Variants in NEK7 observed in about 807,000 individuals in gnomAD.
The protein encoded by NEK7 is NIMA related kinase 7, also known as serine/threonine-protein kinase Nek7.
Under a neutral mutation model 44.6 loss-of-function variants are expected in NEK7, and 18 were observed. That is an observed-to-expected ratio of 0.40 (90% CI 0.28 to 0.60). The LOEUF is 0.60. Ranked by LOEUF, NEK7 falls within the 20% of genes least tolerant of loss-of-function variation. The probability of loss-of-function intolerance (pLI) is 0.38; values close to 1 mark genes in which losing one functional copy is unlikely to be tolerated. For synonymous variants in NEK7, 130 were observed against 121.1 expected (o/e 1.07, Z -0.48); for missense variants, 256 against 366.5 (o/e 0.70, Z 2.46).
chr1:198,192,703 C>G (rs1665115024), intron 1 of NEK7, among the ~76,000 whole-genome samples: 1 of 152,116 alleles, frequency 6.6e-6, no homozygotes, highest in Non-Finnish European at 1.5e-5. Context: ...CAGCCTGCTC[C>G]TGAATGACTC....
At chr1:198,234,090 A>G (rs1666480368) in intron 2 of NEK7, among the ~76,000 whole-genome samples, 1 of 152,012 alleles carries the variant, frequency 6.6e-6, no homozygotes, top group Non-Finnish European at 1.5e-5. Flanking sequence ...ACTGTGTCTT[A>G]TTTACCTTGG....
chr1:198,293,936 A>G (rs1355885827), intron 8 of NEK7, among the ~76,000 whole-genome samples: 1 of 151,938 alleles, frequency 6.6e-6, no homozygotes, highest in Admixed American at 6.6e-5. Context: ...TGCATTTCCT[A>G]CTATATATAT....
At chr1:198,269,720 C>T (rs1653777335) in intron 5 of NEK7, among the ~76,000 whole-genome samples, 1 of 151,952 alleles carries the variant, frequency 6.6e-6, no homozygotes, top group Admixed American at 6.6e-5. Context: ...AAGATTTTTA[C>T]AAGTAAATAA....
intron 7 of NEK7, among the ~76,000 whole-genome samples, chr1:198,282,815 G>T (rs1470166599): frequency 1.3e-5 from 2 of 152,100 alleles, no homozygotes; most frequent in African/African-American, 4.8e-5. Flanking sequence ...CCTGTTATAT[G>T]CAGGTGCTAT....
chr1:198,247,094 C>T (rs1666854350), intron 2 of NEK7, among the ~76,000 whole-genome samples: 1 of 152,126 alleles, frequency 6.6e-6, no homozygotes, highest in African/African-American at 2.4e-5. Context: ...ATCATTTTGT[C>T]ACATTGACAC....
rs1012089288 is a variant in NEK7, at chr1:198,319,790, T to G, written c.*268T>G. On this transcript the variant is annotated 3_prime_UTR_variant, in exon 10 of 10. Transcript: ENST00000367385. ...AATGGCTAAAGGTTTATAGAATTTC[T>G]TACAGTTTTCTGCTGATAAATTGTG... is the stretch of plus-strand genomic sequence containing the variant. The G allele has an allele frequency of 1.1e-5, 3 of 282,342 alleles. No homozygotes were observed. The highest frequency in any genetic ancestry group is 2.0e-5 in the Non-Finnish European group (3 of 150,546). The allele number at this position is 282,342 out of a possible 1,614,324, so 17.5% of individuals were successfully genotyped here.
At chr1:198,180,876 A>G (rs1327852896) in intron 1 of NEK7, among the ~76,000 whole-genome samples, 1 of 152,140 alleles carries the variant, frequency 6.6e-6, no homozygotes, top group Non-Finnish European at 1.5e-5. Flanking sequence ...GATTTCTAAT[A>G]GGAAAAACTG....
intron 1 of NEK7, among the ~76,000 whole-genome samples, chr1:198,227,031 A>G (rs1666248368): frequency 6.6e-6 from 1 of 151,314 alleles, no homozygotes; most frequent in African/African-American, 2.4e-5. Flanking sequence ...CCCCCACCCC[A>G]CAACAGGCCC....
At chr1:198,259,937 A>G (rs747270455) in intron 3 of NEK7, among the ~76,000 whole-genome samples, 9 of 152,166 alleles carry the variant, frequency 5.9e-5, no homozygotes, top group Non-Finnish European at 8.8e-5. Flanking sequence ...ATCACTTTGA[A>G]CAAGTAGCAC....
intron 1 of NEK7, among the ~76,000 whole-genome samples, chr1:198,209,334 AT>A (rs1665699303): frequency 6.6e-6 from 1 of 151,972 alleles, no homozygotes; most frequent in Non-Finnish European, 1.5e-5. Context: ...GATGTTTTTT[AT>A]TTAGTAGATT....
intron 7 of NEK7, among the ~76,000 whole-genome samples, chr1:198,284,845 A>G (rs1271454536): frequency 6.6e-6 from 1 of 152,140 alleles, no homozygotes; most frequent in Non-Finnish European, 1.5e-5. Flanking sequence ...TATAATAGTG[A>G]CCCAGGAGAA....
chr1:198,221,413 T>C (rs1340647690), intron 1 of NEK7, among the ~76,000 whole-genome samples: 5 of 151,828 alleles, frequency 3.3e-5, no homozygotes, highest in Non-Finnish European at 7.4e-5. Context: ...TGGTTTAACA[T>C]TCTTTAATAT....
chr1:198,237,855 C>T (rs1440958518), intron 2 of NEK7, among the ~76,000 whole-genome samples: 3 of 152,184 alleles, frequency 2.0e-5, no homozygotes, highest in Admixed American at 6.6e-5. Flanking sequence ...TCTTCCCACT[C>T]ACACAGTATG....
chr1:198,316,981 A>G (rs534364698), intron 9 of NEK7, among the ~76,000 whole-genome samples: 2 of 152,342 alleles, frequency 1.3e-5, no homozygotes, highest in South Asian at 4.1e-4. Flanking sequence ...TCATCTAGAA[A>G]TGTTGCTGGA....
chr1:198,191,355 G>C (rs1665066417), intron 1 of NEK7, among the ~76,000 whole-genome samples: 1 of 151,946 alleles, frequency 6.6e-6, no homozygotes, highest in Admixed American at 6.6e-5. Flanking sequence ...TAGCCCATCT[G>C]ATAAGTATGA....
intron 8 of NEK7, among the ~76,000 whole-genome samples, chr1:198,295,806 C>CTAT (rs35583566): frequency 0.081 from 11,874 of 146,326 alleles, 554 homozygotes; most frequent in Non-Finnish European, 0.1. Flanking sequence ...ACAAAAACCA[C>CTAT]TATTATTATT....
Position 198,282,350 on chromosome 1 carries a change from CA to C in NEK7, c.589+3290del, listed in dbSNP as rs538497946. Among the ~76,000 whole-genome samples the C allele has an allele frequency of 7.2e-5, 11 of 152,162 alleles. No homozygotes were observed. The South Asian group carries it at 2.3e-3, about 32-fold the overall frequency. ...TTGGCCTGGCATTCAGCGCCCTTTA[CA>C]GTTTGGTGTCCTCTAGCTTCCCACT... On this transcript the variant is annotated intron_variant, in intron 7 of 9. Coordinates refer to ENST00000367385, the MANE Select transcript of NEK7 (RefSeq NM_133494.3).
At chr1:198,198,444 G>A (rs1665310532) in intron 1 of NEK7, among the ~76,000 whole-genome samples, 1 of 152,178 alleles carries the variant, frequency 6.6e-6, no homozygotes, top group Non-Finnish European at 1.5e-5. Context: ...TTCAGGTGAA[G>A]GAGGAGTGGG....
chr1:198,227,123 G>GT, intron 1 of NEK7, among the ~76,000 whole-genome samples: 1 of 152,120 alleles, frequency 6.6e-6, no homozygotes, highest in African/African-American at 2.4e-5. Context: ...GCAGTGTTTG[G>GT]TTTTTTGTCC....
Sources: gnomAD v4.1 joint callset for allele counts (sites outside exome capture counted in the v4.1 genomes callset) on GRCh38, gnomAD v4.1.1 for gene constraint, MANE v1.5 for transcripts, NCBI Gene and HGNC (gene_info 2026-07-23, HGNC 2026-07-21) for gene names.